LIPE: variants seen among roughly 807,000 people sequenced by gnomAD.
LIPE encodes the protein lipase E, hormone sensitive type.
LIPE carries 66 observed loss-of-function variants against 88.5 expected under a neutral mutation model. The ratio of observed to expected loss-of-function variants is 0.75; its 90% confidence interval spans 0.61 to 0.91. The LOEUF is 0.91. Among genes scored for constraint, LIPE ranks in the 40% least tolerant of loss-of-function variants. The pLI is 0.00. For synonymous variants in LIPE, 570 were observed against 617.5 expected, an observed-to-expected ratio of 0.92 and a Z score of 1.14; for missense variants, 1,346 against 1,434.7, an observed-to-expected ratio of 0.94 and a Z score of 1.00.
In LIPE at chr19:42,406,170, C is replaced by T. The variant is rs550555198; in HGVS notation, c.2356G>A (p.Ala786Thr). The T allele has an allele frequency of 8.1e-6, 13 of 1,606,774 alleles. No individual in the cohort carries two copies. The Admixed American group carries it at 8.4e-5, about 10-fold the overall frequency. ...PLSVLSKCVS[A>T]YAGAKTEDHS... ...AGGGTGTGGGCCTCACCAGCATAGG[C>T]GCTGACACACTTGGAGAGCACACTG... Residue 786 changes from alanine to threonine, a missense_variant, in exon 7 of 10, where the codon GCC becomes ACC. Transcript: ENST00000244289. This position sits in a 1 kb window ranked among gnomAD's most constrained non-coding sequence, Gnocchi z 5.7.
intron 9 of LIPE, among the ~76,000 whole-genome samples, chr19:42,402,338 C>CT (rs977022717): frequency 1.2e-4 from 18 of 151,928 alleles, no homozygotes; most frequent in African/African-American, 4.1e-4. Flanking sequence ...CCAAACCCAC[C>CT]TTTTTTTTCT....
Position 42,426,359 on chromosome 19 carries a change from C to T in LIPE, c.791G>A (p.Gly264Glu). The T allele has an allele frequency of 6.2e-7, 1 of 1,613,970 alleles. No homozygotes were observed. The highest frequency in any genetic ancestry group is 8.5e-7 in the Non-Finnish European group (1 of 1,179,940). ...TGACATCACTTTATAACCAGATTTT[C>T]CTTTGAAGCCTAGCTTCACTCCCTG... ...VAQGVKLGFKGKSGYKVMSGY... is the reference protein window; with the variant it reads ...VAQGVKLGFKEKSGYKVMSGY... The change falls in exon 1 of 10, where the codon GGA becomes GAA. Residue 264 changes from glycine (G) to glutamate (E), a missense_variant. Transcript: ENST00000244289.
At position 42,401,612 on chromosome 19, in the gene LIPE, A is replaced by G; in HGVS notation, c.*200T>C. On this transcript the variant is annotated 3_prime_UTR_variant, in exon 10 of 10. Transcript: ENST00000244289. Reference sequence around the variant, plus strand: ...CGCCGCAGCAGCAGCAGCAAAAGGCAGCGGTGGCGTGCAGGTCCAGCCGTC... The same window carrying G: ...CGCCGCAGCAGCAGCAGCAAAAGGCGGCGGTGGCGTGCAGGTCCAGCCGTC... The G allele has an allele frequency of 1.9e-6, 1 of 524,642 alleles. No individual in the cohort carries two copies. The highest frequency in any genetic ancestry group is 3.3e-6 in the Non-Finnish European group (1 of 303,738). 32.5% of individuals were successfully genotyped at this position (524,642 alleles called of 1,614,324 possible).
At chr19:42,424,195 G>A in intron 1 of LIPE, 2 of 973,740 alleles carry the variant, frequency 2.1e-6, no homozygotes, top group Non-Finnish European at 2.8e-6. Context: ...CCATGCTCCC[G>A]ATAATGAGGG....
At chr19:42,424,208 G>A (rs766817068) in intron 1 of LIPE, 30 of 905,308 alleles carry the variant, frequency 3.3e-5, no homozygotes, top group Non-Finnish European at 4.5e-5. Context: ...AATGAGGGTG[G>A]GGGATGGTGG....
chr19:42,417,471 C>T (rs913934583), intron 1 of LIPE, among the ~76,000 whole-genome samples: 4 of 151,936 alleles, frequency 2.6e-5, no homozygotes, highest in Admixed American at 1.3e-4. Context: ...TGCTATATTG[C>T]CTAGGCTGGT....
At chr19:42,424,381 C>T (rs977023046) in intron 1 of LIPE, 2 of 456,426 alleles carry the variant, frequency 4.4e-6, no homozygotes, top group Admixed American at 4.7e-5. Flanking sequence ...CTTGCTCACA[C>T]GCACACAGCC....
rs2040244070 is a variant in LIPE, at chr19:42,408,015, C to T, written c.1617G>A (p.Trp539Ter). Residue 539 changes from tryptophan to a stop codon, truncating the protein, a stop_gained, in exon 4 of 10, where the codon TGG (tryptophan) becomes TGA (stop). Coordinates refer to ENST00000244289, the MANE Select transcript of LIPE (RefSeq NM_005357.4). LOFTEE classifies it high-confidence loss of function. The surrounding 1 kb of genome is among the most constrained non-coding windows in gnomAD (Gnocchi z 4.3). ...TCTCGGTGATGTTCCAGAAGGCTTT[C>T]CAGAAGTGCACGTCCAGGTTCTGTG... ...RITQNLDVHF[W>*]KAFWNITEME... 1.2e-6 allele frequency: 2 copies of T among 1,613,652 alleles called. No homozygotes were observed. Among genetic ancestry groups the T allele is most frequent in the Non-Finnish European group, 1.7e-6 (2 of 1,179,864 alleles).
At chr19:42,421,048 C>T (rs1182686245) in intron 1 of LIPE, among the ~76,000 whole-genome samples, 1 of 152,066 alleles carries the variant, frequency 6.6e-6, no homozygotes, top group Non-Finnish European at 1.5e-5. Flanking sequence ...ACAGGTACAC[C>T]CCACCATGCC....
chr19:42,425,433 C>T (rs981467218), intron 1 of LIPE, among the ~76,000 whole-genome samples: 2 of 152,158 alleles, frequency 1.3e-5, no homozygotes, highest in Non-Finnish European at 2.9e-5. Flanking sequence ...GGCTTCAAAT[C>T]CTGACTTTGC....
chr19:42,426,384 G>T lies in LIPE; in HGVS notation c.766C>A (p.Gln256Lys). The change falls in exon 1 of 10, where the codon CAG becomes AAG. Residue 256 changes from glutamine to lysine, a missense_variant. Physicochemically the swap from Gln to Lys is moderately conservative, Grantham distance 53 (BLOSUM62 1). Coordinates refer to ENST00000244289, the MANE Select transcript of LIPE (RefSeq NM_005357.4). The part of the protein sequence containing the change: ...SPATMGGMVA[Q>K]GVKLGFKGKS... ...CCTTTGAAGCCTAGCTTCACTCCCTGGGCCACCATTCCACCCATCGTGGCT... is the reference window on the plus strand; with the variant it reads ...CCTTTGAAGCCTAGCTTCACTCCCTTGGCCACCATTCCACCCATCGTGGCT... 1 of 1,613,860 alleles carries T rather than the reference G, an allele frequency of 6.2e-7. No individual in the cohort carries two copies. The highest frequency in any genetic ancestry group is 8.5e-7 in the Non-Finnish European group (1 of 1,179,970).
In LIPE at chr19:42,401,711, C is replaced by CCA; in HGVS notation, c.*100_*101insTG. ...AGCTTTCGGGCCCCCGCCCCGCCCC[C>CCA]TTGCCACCCCCGACTTAAGTAAGGC... On this transcript the variant is annotated 3_prime_UTR_variant, in exon 10 of 10. Coordinates refer to ENST00000244289, the MANE Select transcript of LIPE (RefSeq NM_005357.4). 2 of 445,438 alleles carry CCA rather than the reference C, an allele frequency of 4.5e-6. No homozygotes were observed. Among genetic ancestry groups the CCA allele is most frequent in the Non-Finnish European group, 3.6e-6 (1 of 279,506 alleles). 27.6% of individuals were successfully genotyped at this position (445,438 alleles called of 1,614,324 possible).
At chr19:42,404,390 C>G (rs2040102102) in intron 8 of LIPE, among the ~76,000 whole-genome samples, 1 of 152,034 alleles carries the variant, frequency 6.6e-6, no homozygotes. Flanking sequence ...GCCACCATGC[C>G]CGGCTAATTT....
Position 42,408,176 on chromosome 19 carries a change from G to C in LIPE, c.1511-55C>G, listed in dbSNP as rs1173631583. 1 of 1,613,730 alleles carries C rather than the reference G, an allele frequency of 6.2e-7. No homozygotes were observed. The highest frequency in any genetic ancestry group is 1.7e-5 in the Admixed American group (1 of 60,016). On this transcript the variant is annotated intron_variant, in intron 3 of 9. Transcript: ENST00000244289. This position sits in a 1 kb window ranked among gnomAD's most constrained non-coding sequence, Gnocchi z 4.3. ...CCAGTGGGTCAGGCTGCTTGGGCAG[G>C]AGTGGGGAGGAGGGCCAAGAGAGTA...
In LIPE at chr19:42,408,878, C is replaced by A. The variant is rs2040281365; in HGVS notation, c.1420-556G>T. Among the ~76,000 whole-genome samples, 1 of 150,920 alleles carries A rather than the reference C, an allele frequency of 6.6e-6. No homozygotes were observed. The highest frequency in any genetic ancestry group is 6.6e-5 in the Admixed American group (1 of 15,154). On this transcript the variant is annotated intron_variant, in intron 2 of 9. Transcript: ENST00000244289. This position sits in a 1 kb window ranked among gnomAD's most constrained non-coding sequence, Gnocchi z 4.3. ...GGTGCTTGACCTGGGTAGCGACAGT[C>A]AGGGGGCCAGTGTGGCTGGAGCAGA...
intron 8 of LIPE, among the ~76,000 whole-genome samples, chr19:42,404,875 A>T (rs1042876324): frequency 6.6e-6 from 1 of 151,796 alleles, no homozygotes; most frequent in Non-Finnish European, 1.5e-5. Flanking sequence ...CTCTTTTTTT[A>T]AATTTTTTTT....
intron 1 of LIPE, among the ~76,000 whole-genome samples, chr19:42,415,504 AATG>A (rs773759956): frequency 5.9e-5 from 9 of 151,872 alleles, no homozygotes; most frequent in Non-Finnish European, 1.0e-4. Flanking sequence ...TGAACACATG[AATG>A]ATAAGAAAGT....
chr19:42,416,555 C>T (rs1361860235), intron 1 of LIPE, among the ~76,000 whole-genome samples: 1 of 152,194 alleles, frequency 6.6e-6, no homozygotes, highest in Non-Finnish European at 1.5e-5. Context: ...AGCTTCAAGG[C>T]CAGGCTGACC....
intron 8 of LIPE, 72 bp from the exon 9 acceptor site, chr19:42,403,103 G>T: frequency 7.1e-7 from 1 of 1,412,318 alleles, no homozygotes; most frequent in Non-Finnish European, 9.5e-7. Context: ...GGAATGCCAT[G>T]GGAAGGGCAG....
Sources: allele counts gnomAD v4.1 joint callset (sites outside exome capture counted in the v4.1 genomes callset), GRCh38; gene constraint gnomAD v4.1.1; non-coding constraint Gnocchi (gnomAD v3.1); transcripts MANE v1.5; gene names NCBI Gene and HGNC (gene_info 2026-07-23, HGNC 2026-07-21).